Variants in RSPH9 observed in about 807,000 individuals in gnomAD.
RSPH9 encodes radial spoke head component 9, also known as radial spoke head protein 9 homolog.
In RSPH9, 27 loss-of-function variants were observed where a neutral mutation model predicts 27.0. The observed-to-expected ratio is 1.00, with a 90% CI of 0.74 to 1.38. The LOEUF is 1.38. Among genes scored for constraint, RSPH9 ranks in the 40% most tolerant of loss-of-function variants. The pLI, the probability that RSPH9 is intolerant of heterozygous loss-of-function variation, is 0.00. For synonymous variants in RSPH9, 145 were observed against 147.7 expected (o/e 0.98, Z 0.13); for missense variants, 347 against 357.4 (o/e 0.97, Z 0.24).
chr6:43,666,336 G>A, intron 4 of RSPH9: 1 of 1,092,740 alleles, frequency 9.2e-7, no homozygotes, highest in Non-Finnish European at 1.4e-6. Context: ...AAATCCCAAG[G>A]AAGAGTTCCC....
In RSPH9 at chr6:43,672,123, A is replaced by G; in HGVS notation, c.*1174A>G. On this transcript the variant is annotated 3_prime_UTR_variant, in exon 5 of 5. Coordinates refer to ENST00000372163, the MANE Select transcript of RSPH9 (RefSeq NM_152732.5). ...CTTGCTGCCGCAAGCCTGTGTGGCC[A>G]GGTTCAGGCAGCCCAGGGCCACAAG... 1 of 606,346 alleles carries G rather than the reference A, an allele frequency of 1.6e-6. No homozygotes were observed. The highest frequency in any genetic ancestry group is 2.9e-6 in the Non-Finnish European group (1 of 342,522). 37.6% of individuals were successfully genotyped at this position (606,346 alleles called of 1,614,324 possible). A position where few individuals can be genotyped will look rare whatever the true frequency, so the allele number is the denominator to read the frequency against.
At chr6:43,654,860 A>G (rs897922674) in intron 2 of RSPH9, among the ~76,000 whole-genome samples, 8 of 152,010 alleles carry the variant, frequency 5.3e-5, no homozygotes, top group Admixed American at 2.0e-4. Flanking sequence ...AAAAAAGACA[A>G]AAATTAGCTA....
rs754771287 is a variant in RSPH9, at chr6:43,672,381, C to G, written c.*1432C>G. 1.7e-4 allele frequency: 81 copies of G among 471,762 alleles called. 3 individuals carry two copies. Among genetic ancestry groups the G allele is most frequent in the South Asian group, 1.1e-3 (71 of 64,574 alleles). 29.2% of individuals were successfully genotyped at this position (471,762 alleles called of 1,614,324 possible). A position where few individuals can be genotyped will look rare whatever the true frequency, so the allele number is the denominator to read the frequency against. ...ACTGGTATAAGACCCCTGCCCCTCA[C>G]CCAACCTGTGATGGGAATCAAGGGG... On this transcript the variant is annotated 3_prime_UTR_variant, in exon 5 of 5. Coordinates refer to ENST00000372163, the MANE Select transcript of RSPH9 (RefSeq NM_152732.5).
At chr6:43,665,741 C>A (rs1468974025) in intron 4 of RSPH9, among the ~76,000 whole-genome samples, 2 of 152,180 alleles carry the variant, frequency 1.3e-5, no homozygotes, top group Admixed American at 1.3e-4. Context: ...TGCTCCTGGC[C>A]TTACCTTGGG....
At chr6:43,654,539 TTGAC>T (rs1482318230) in intron 2 of RSPH9, among the ~76,000 whole-genome samples, 1 of 151,872 alleles carries the variant, frequency 6.6e-6, no homozygotes, top group African/African-American at 2.4e-5. Context: ...AATACAAAAA[TTGAC>T]TGGGCGCAGT....
At chr6:43,647,454 C>T (rs565708548) in intron 1 of RSPH9, among the ~76,000 whole-genome samples, 19 of 152,028 alleles carry the variant, frequency 1.2e-4, no homozygotes, top group Non-Finnish European at 2.4e-4. Flanking sequence ...AAGAGGTATC[C>T]GAGGGAATGC....
Position 43,645,227 on chromosome 6 carries a change from G to T in RSPH9, c.129G>T (p.Arg43=). ...TTAAGCGCGACTACCGCTATGATCG[G>T]GTTCTCTTCTGGGGCCGCATCCTTG... ...MLVKRDYRYD[R]VLFWGRILGL... is the part of the protein sequence containing the mutation. The change falls in exon 1 of 5, where the codon CGG becomes CGT. Residue 43 remains arginine, a synonymous_variant. Coordinates refer to ENST00000372163, the MANE Select transcript of RSPH9 (RefSeq NM_152732.5). 1.2e-6 allele frequency: 2 copies of T among 1,614,094 alleles called. No homozygotes were observed. The highest frequency in any genetic ancestry group is 1.7e-6 in the Non-Finnish European group (2 of 1,180,018).
chr6:43,663,146 GC>G (rs1457895354), intron 4 of RSPH9, among the ~76,000 whole-genome samples: 2 of 152,226 alleles, frequency 1.3e-5, no homozygotes, highest in African/African-American at 4.8e-5. Flanking sequence ...GTCATTTCTA[GC>G]TTTTGATTTA....
chr6:43,652,115 GC>G (rs1240977684), intron 2 of RSPH9, among the ~76,000 whole-genome samples: 1 of 151,420 alleles, frequency 6.6e-6, no homozygotes, highest in African/African-American at 2.4e-5. Flanking sequence ...GACCATCCTG[GC>G]TAACACGGTG....
intron 4 of RSPH9, among the ~76,000 whole-genome samples, chr6:43,662,603 G>A (rs1026546604): frequency 1.3e-5 from 2 of 152,052 alleles, no homozygotes; most frequent in African/African-American, 4.8e-5. Flanking sequence ...TCCTGACCTT[G>A]TGATCCACCT....
At chr6:43,665,738 G>A (rs1773065475) in intron 4 of RSPH9, among the ~76,000 whole-genome samples, 1 of 152,112 alleles carries the variant, frequency 6.6e-6, no homozygotes, top group Non-Finnish European at 1.5e-5. Flanking sequence ...GGATGCTCCT[G>A]GCCTTACCTT....
At chr6:43,648,007 T>C (rs1192391572) in intron 1 of RSPH9, among the ~76,000 whole-genome samples, 1 of 152,176 alleles carries the variant, frequency 6.6e-6, no homozygotes, top group Non-Finnish European at 1.5e-5. Flanking sequence ...CAGTGGCTCA[T>C]GCCTGTAATC....
At chr6:43,647,208 A>G (rs931796320) in intron 1 of RSPH9, among the ~76,000 whole-genome samples, 4 of 150,230 alleles carry the variant, frequency 2.7e-5, no homozygotes, top group Non-Finnish European at 4.5e-5. Context: ...GAACAGTTAG[A>G]CAAACTTGTT....
At chr6:43,649,152 T>TA (rs1422797699) in intron 1 of RSPH9, among the ~76,000 whole-genome samples, 1 of 152,106 alleles carries the variant, frequency 6.6e-6, no homozygotes, top group Non-Finnish European at 1.5e-5. Flanking sequence ...GTTGCTGTTT[T>TA]AGTAGGCTGA....
chr6:43,672,075 C>T lies in RSPH9; in HGVS notation c.*1126C>T. The T allele has an allele frequency of 2.5e-6, 2 of 801,008 alleles. No homozygotes were observed. The highest frequency in any genetic ancestry group is 1.9e-5 in the South Asian group (1 of 53,878). The allele number at this position is 801,008 out of a possible 1,614,324, so 49.6% of individuals were successfully genotyped here. A position where few individuals can be genotyped will look rare whatever the true frequency, so the allele number is the denominator to read the frequency against. ...TTTCCTGGGAGTAACTGCTGAGCGT[C>T]CTGTAAACAGATGGGCTGGGCTCTT... On this transcript the variant is annotated 3_prime_UTR_variant, in exon 5 of 5. Transcript: ENST00000372163.
chr6:43,649,817 A>G (rs9784847), intron 1 of RSPH9, among the ~76,000 whole-genome samples: 29,878 of 152,186 alleles, frequency 0.2, 6,424 homozygotes, highest in African/African-American at 0.54. Flanking sequence ...AAACTCATCC[A>G]GAATTTCACA....
chr6:43,649,272 C>T (rs1468783435), intron 1 of RSPH9, among the ~76,000 whole-genome samples: 3 of 149,394 alleles, frequency 2.0e-5, no homozygotes, highest in Admixed American at 6.7e-5. Flanking sequence ...TCACTGCAAC[C>T]TCTGCCTCCT....
At chr6:43,666,261 C>G (rs904386765) in intron 4 of RSPH9, among the ~76,000 whole-genome samples, 1 of 152,190 alleles carries the variant, frequency 6.6e-6, no homozygotes, top group African/African-American at 2.4e-5. Flanking sequence ...AAAGAGCAGT[C>G]TGAGCTGCTT....
chr6:43,658,431 A>G (rs1166821462), intron 4 of RSPH9, among the ~76,000 whole-genome samples: 1 of 152,120 alleles, frequency 6.6e-6, no homozygotes, highest in Non-Finnish European at 1.5e-5. Context: ...TTGTGTTTGT[A>G]CTATACTATA....
Sources: allele counts gnomAD v4.1 joint callset (sites outside exome capture counted in the v4.1 genomes callset), GRCh38; gene constraint gnomAD v4.1.1; transcripts MANE v1.5; gene names NCBI Gene and HGNC (gene_info 2026-07-23, HGNC 2026-07-21).